BAHCC1: variants seen among roughly 807,000 people sequenced by gnomAD.
BAHCC1 encodes the protein BAH and coiled-coil domain-containing protein 1.
BAHCC1 carries 43 observed loss-of-function variants against 88.2 expected under a neutral mutation model. The ratio of observed to expected loss-of-function variants is 0.49; its 90% CI spans 0.38 to 0.63. BAHCC1 has a LOEUF of 0.63. Ranked by LOEUF, BAHCC1 falls within the 20% of genes least tolerant of loss-of-function variation. The pLI is 0.00. For missense variants in BAHCC1, 3,023 were observed against 1,654.8 expected (o/e 1.83, Z -14.34); for synonymous variants, 1,510 against 745.5 (o/e 2.03, Z -16.71).
chr17:81,443,705 A>G lies in BAHCC1; in HGVS notation c.2216-104A>G, dbSNP rs78972619. Reference sequence around the variant, plus strand: ...GCCCCAGGACCAGGGGATCCTCCTCAGTGCATCAGGCCCCCCAGCTCGAAG... The same window carrying G: ...GCCCCAGGACCAGGGGATCCTCCTCGGTGCATCAGGCCCCCCAGCTCGAAG... On this transcript the variant is annotated intron_variant, in intron 5 of 27. Coordinates refer to ENST00000675386, the MANE Select transcript of BAHCC1 (RefSeq NM_001377448.1). 9.0e-4 allele frequency: 596 copies of G among 659,728 alleles called. 4 individuals carry two copies. In the African/African-American group the frequency reaches 9.6e-3, roughly 11 times the overall value. 40.9% of individuals were successfully genotyped at this position (659,728 alleles called of 1,614,324 possible).
intron 2 of BAHCC1, among the ~76,000 whole-genome samples, chr17:81,418,479 G>A (rs1598464577): frequency 6.6e-6 from 1 of 152,170 alleles, no homozygotes; most frequent in Non-Finnish European, 1.5e-5. Context: ...TGGGCTGGGG[G>A]GCTGGAGCTG....
intron 23 of BAHCC1, 33 bp downstream of exon 23, chr17:81,459,637 G>C: frequency 1.3e-6 from 1 of 778,752 alleles, no homozygotes. Context: ...GCTGGGGCAG[G>C]CCCCTCTGAG....
intron 2 of BAHCC1, among the ~76,000 whole-genome samples, chr17:81,418,012 C>T (rs2064057160): frequency 6.6e-6 from 1 of 152,258 alleles, no homozygotes; most frequent in South Asian, 2.1e-4. Context: ...CTCCACTTGT[C>T]CAGCTGCCTT....
Position 81,447,535 on chromosome 17 carries a change from C to T in BAHCC1, c.3663C>T (p.Ala1221=). ...GALEDEGEQP[A]PEEDELEEDE... ...TTGAGGACGAGGGGGAGCAGCCGGCCCCTGAGGAGGACGAGCTGGAGGAAG... is the reference window on the plus strand; with the variant it reads ...TTGAGGACGAGGGGGAGCAGCCGGCTCCTGAGGAGGACGAGCTGGAGGAAG... The change falls in exon 11 of 28, where the codon GCC becomes GCT. Residue 1221 remains alanine, a synonymous_variant. Transcript: ENST00000675386. 1 of 755,554 alleles carries T rather than the reference C, an allele frequency of 1.3e-6. No individual in the cohort carries two copies. Among genetic ancestry groups the T allele is most frequent in the Non-Finnish European group, 2.5e-6 (1 of 406,348 alleles). 46.8% of individuals were successfully genotyped at this position (755,554 alleles called of 1,614,324 possible). A position where few individuals can be genotyped will look rare whatever the true frequency, so the allele number is the denominator to read the frequency against.
Position 81,455,422 on chromosome 17 carries a change from G to GCCCTTCAGGT in BAHCC1, c.4569+49_4569+58dup, listed in dbSNP as rs542799594. 9.5e-4 allele frequency: 675 copies of GCCCTTCAGGT among 712,532 alleles called. 6 individuals are homozygous for GCCCTTCAGGT. The highest frequency in any genetic ancestry group is 5.0e-3 in the East Asian group (188 of 37,268). 44.1% of individuals were successfully genotyped at this position (712,532 alleles called of 1,614,324 possible). A position where few individuals can be genotyped will look rare whatever the true frequency, so the allele number is the denominator to read the frequency against. ...GCCGAGGCGCCCGCCTTGCCCCAGG[G>GCCCTTCAGGT]CCCTTCAGGTCCCTTCAGGTCCCTT... On this transcript the variant is annotated intron_variant, in intron 15 of 27. Coordinates refer to ENST00000675386, the MANE Select transcript of BAHCC1 (RefSeq NM_001377448.1).
chr17:81,440,954 C>T (rs1324842927), intron 4 of BAHCC1, among the ~76,000 whole-genome samples: 1 of 152,254 alleles, frequency 6.6e-6, no homozygotes, highest in Admixed American at 6.5e-5. Context: ...CTCGCCTCTC[C>T]TCTGGGGGCG....
intron 8 of BAHCC1, 93 bp downstream of exon 8, chr17:81,444,919 G>A (rs2064494804): frequency 1.2e-5 from 8 of 683,902 alleles, no homozygotes; most frequent in Admixed American, 4.7e-5. Flanking sequence ...AGGAGGGAGC[G>A]GTGGGCTTGG....
intron 2 of BAHCC1, among the ~76,000 whole-genome samples, chr17:81,410,363 G>A (rs561816497): frequency 6.2e-4 from 94 of 152,332 alleles, no homozygotes; most frequent in Admixed American, 2.3e-3. Context: ...TGTGTCCATC[G>A]AGGGATTCTG....
In BAHCC1 at chr17:81,454,009, C is replaced by T. The variant is rs538590321; in HGVS notation, c.4445+1158C>T. ...AAAGGGACATCCGGCCACGCCAGGC[C>T]AGGGCCAGGCAGGGCTCTTTGTCTC... On this transcript the variant is annotated intron_variant, in intron 14 of 27. Transcript: ENST00000675386. Among the ~76,000 whole-genome samples the T allele has an allele frequency of 5.3e-5, 8 of 152,366 alleles. No homozygotes were observed. The East Asian group carries it at 1.4e-3, about 26-fold the overall frequency.
At chr17:81,456,272 T>C in intron 15 of BAHCC1, 25 bp from the exon 16 acceptor site, 1 of 698,040 alleles carries the variant, frequency 1.4e-6, no homozygotes, top group Non-Finnish European at 2.6e-6. Flanking sequence ...GCCCTGAGAG[T>C]GCAGCTGCCC....
At chr17:81,454,777 G>C (rs1221555103) in intron 14 of BAHCC1, among the ~76,000 whole-genome samples, 1 of 152,116 alleles carries the variant, frequency 6.6e-6, no homozygotes, top group Non-Finnish European at 1.5e-5. Flanking sequence ...CTTGTTCCAG[G>C]TGCCAAGGCT....
At position 81,438,449 on chromosome 17, in the gene BAHCC1, C is replaced by T. The variant is rs1210120259; in HGVS notation, c.438C>T (p.Ser146=). 3 of 776,804 alleles carry T rather than the reference C, an allele frequency of 3.9e-6. No homozygotes were observed. In the African/African-American group the frequency reaches 5.1e-5, roughly 13 times the overall value. 48.1% of individuals were successfully genotyped at this position (776,804 alleles called of 1,614,324 possible). Residue 146 remains serine, a synonymous_variant, in exon 4 of 28, where the codon AGC becomes AGT. Coordinates refer to ENST00000675386, the MANE Select transcript of BAHCC1 (RefSeq NM_001377448.1). ...PVSHLDHHGN[S]NVLYGQHRFY... ...GCCACTTGGATCACCATGGAAACAGCAACGTTCTCTATGGGCAGCACCGTT... is the reference window on the plus strand; with the variant it reads ...GCCACTTGGATCACCATGGAAACAGTAACGTTCTCTATGGGCAGCACCGTT...
chr17:81,432,989 A>T (rs1017941993), intron 3 of BAHCC1, among the ~76,000 whole-genome samples: 4 of 141,782 alleles, frequency 2.8e-5, no homozygotes, highest in Non-Finnish European at 6.1e-5. Context: ...CACTGCGTTC[A>T]TTCTGGAGGC....
intron 2 of BAHCC1, chr17:81,409,929 G>A (rs1013510443): frequency 8.5e-5 from 16 of 188,966 alleles, no homozygotes; most frequent in African/African-American, 2.4e-4. Flanking sequence ...TGGCCTCAGC[G>A]CCTGCCCGAG....
intron 5 of BAHCC1, 57 bp downstream of exon 5, chr17:81,443,621 G>A (rs2064466187): frequency 1.6e-6 from 1 of 621,974 alleles, no homozygotes. Context: ...GGCCCAGCTG[G>A]CCCTGCCCTG....
chr17:81,397,636 C>T, intron 1 of BAHCC1, among the ~76,000 whole-genome samples: 1 of 152,056 alleles, frequency 6.6e-6, no homozygotes, highest in Admixed American at 6.5e-5. Flanking sequence ...CCTAGTCCAG[C>T]CCGGGCAGCC....
chr17:81,422,893 T>A (rs529162806), intron 2 of BAHCC1: 1 of 333,864 alleles, frequency 3.0e-6, no homozygotes, highest in Admixed American at 4.1e-5. Flanking sequence ...AGCGGCAAGC[T>A]TCCAACTCCG....
rs2030531227 is a variant in BAHCC1, at chr17:81,464,044, G to A, written c.*227G>A. ...CCCATCCTCTGCGGAGGGTCGGGCT[G>A]TGGCCCTCATGGGTCCCCGGCCCGC... On this transcript the variant is annotated 3_prime_UTR_variant, in exon 28 of 28. Transcript: ENST00000675386. 8.6e-6 allele frequency: 5 copies of A among 583,292 alleles called. No homozygotes were observed. Among genetic ancestry groups the A allele is most frequent in the Admixed American group, 3.0e-5 (1 of 33,386 alleles). 36.1% of individuals were successfully genotyped at this position (583,292 alleles called of 1,614,324 possible).
chr17:81,399,149 G>T lies in BAHCC1; in HGVS notation c.-206-385G>T. ...TGTGAGTGTGTGTGTGTGTGTGTGT[G>T]TGTGCGAGTGTGCGTGATGGCTTCG... On this transcript the variant is annotated intron_variant, in intron 1 of 27. Coordinates refer to ENST00000675386, the MANE Select transcript of BAHCC1 (RefSeq NM_001377448.1). The surrounding 1 kb of genome is among the most constrained non-coding windows in gnomAD (Gnocchi z 4.5). 1 of 385,594 alleles carries T rather than the reference G, an allele frequency of 2.6e-6. No homozygotes were observed. 23.9% of individuals were successfully genotyped at this position (385,594 alleles called of 1,614,324 possible). A position where few individuals can be genotyped will look rare whatever the true frequency, so the allele number is the denominator to read the frequency against.
Sources: allele counts gnomAD v4.1 joint callset (sites outside exome capture counted in the v4.1 genomes callset), GRCh38; gene constraint gnomAD v4.1.1; non-coding constraint Gnocchi (gnomAD v3.1); transcripts MANE v1.5; gene names NCBI Gene and HGNC (gene_info 2026-07-23, HGNC 2026-07-21).